Variants in FANK1 observed in about 807,000 individuals in gnomAD.
FANK1 encodes fibronectin type 3 and ankyrin repeat domains protein 1.
In FANK1, 44 loss-of-function variants were observed where a neutral mutation model predicts 45.3. That is an observed-to-expected ratio of 0.97 (90% confidence interval 0.76 to 1.25). The LOEUF is 1.25. Among genes scored for constraint, FANK1 ranks in the 50% most tolerant of loss-of-function variants. FANK1 has a pLI of 0.00. For synonymous variants in FANK1, 149 were observed against 152.5 expected, an observed-to-expected ratio of 0.98 and a Z score of 0.17; for missense variants, 391 against 424.4, an observed-to-expected ratio of 0.92 and a Z score of 0.69.
intron 7 of FANK1, among the ~76,000 whole-genome samples, chr10:126,007,493 A>C (rs1237734168): frequency 2.0e-5 from 3 of 152,214 alleles, no homozygotes; most frequent in African/African-American, 7.2e-5. Flanking sequence ...AATCCAAATC[A>C]TGTTACAGTG....
chr10:126,008,929 C>T (rs1412947605), intron 8 of FANK1, 125 bp from the exon 9 acceptor site: 2 of 842,772 alleles, frequency 2.4e-6, no homozygotes, highest in Non-Finnish European at 3.8e-6. Flanking sequence ...CCATGCAAAG[C>T]CACAGTGGTC....
chr10:125,990,420 T>C (rs1467438718), intron 3 of FANK1, among the ~76,000 whole-genome samples: 1 of 152,158 alleles, frequency 6.6e-6, no homozygotes. Context: ...CCTTGATGGA[T>C]GGATGGGTAA....
At chr10:125,949,913 G>T (rs1198982462) in intron 1 of FANK1, among the ~76,000 whole-genome samples, 2 of 141,904 alleles carry the variant, frequency 1.4e-5, no homozygotes, top group South Asian at 2.5e-4. Flanking sequence ...GGTACCAAAA[G>T]AGAGATATAG....
At position 125,971,796 on chromosome 10, in the gene FANK1, G is replaced by T. The variant is rs369953262; in HGVS notation, c.14-8365G>T. On this transcript the variant is annotated intron_variant, in intron 1 of 10. Coordinates refer to ENST00000368693, the MANE Select transcript of FANK1 (RefSeq NM_145235.5). ...GCTACCACGGCCGGCTAATTTTTTT[G>T]TATTTTTAGTAGAGACAGGGTTTCA... Among the ~76,000 whole-genome samples, 97 of 152,104 alleles carry T rather than the reference G, an allele frequency of 6.4e-4. No individual in the cohort carries two copies. In the South Asian group the frequency reaches 8.7e-3, roughly 14 times the overall value.
intron 7 of FANK1, among the ~76,000 whole-genome samples, chr10:126,006,774 T>G (rs1450630117): frequency 6.6e-6 from 1 of 152,152 alleles, no homozygotes; most frequent in Non-Finnish European, 1.5e-5. Context: ...GCAGGAGAAT[T>G]GCTTGAACCC....
chr10:125,907,397 A>T lies in FANK1; in HGVS notation c.13+10742A>T, dbSNP rs141665773. On this transcript the variant is annotated intron_variant, in intron 1 of 10. Coordinates refer to ENST00000368693, the MANE Select transcript of FANK1 (RefSeq NM_145235.5). The stretch of plus-strand genomic sequence containing the variant: ...TATCTGTGATAGGCAGACTTCTAAG[A>T]TGTTTCCCATGATCTCAATGTCCTG... 2.1e-3 allele frequency: 1,417 copies of T among 689,750 alleles called. 15 individuals carry two copies. In the African/African-American group the frequency reaches 0.026, roughly 12 times the overall value. 42.7% of individuals were successfully genotyped at this position (689,750 alleles called of 1,614,324 possible).
At position 125,929,956 on chromosome 10, in the gene FANK1, T is replaced by C. The variant is rs145541923; in HGVS notation, c.13+33301T>C. On this transcript the variant is annotated intron_variant, in intron 1 of 10. Transcript: ENST00000368693. Reference sequence around the variant, plus strand: ...ATAGCTGAAGTGTGAATTGGCCTGATGTTGCCTGCCTCCAGACCCTATTTT... The same window carrying C: ...ATAGCTGAAGTGTGAATTGGCCTGACGTTGCCTGCCTCCAGACCCTATTTT... 5.3e-3 allele frequency among the ~76,000 whole-genome samples: 803 copies of C among 152,330 alleles called. 4 individuals carry two copies. The highest frequency in any genetic ancestry group is 0.018 in the African/African-American group (756 of 41,570).
intron 1 of FANK1, among the ~76,000 whole-genome samples, chr10:125,931,766 G>C (rs903280738): frequency 6.6e-6 from 1 of 152,102 alleles, no homozygotes; most frequent in Non-Finnish European, 1.5e-5. Flanking sequence ...TGGGTTCTTG[G>C]TCATGAAATC....
intron 1 of FANK1, among the ~76,000 whole-genome samples, chr10:125,917,923 AAAAAG>A (rs1329327434): frequency 1.3e-5 from 2 of 152,298 alleles, no homozygotes; most frequent in Non-Finnish European, 1.5e-5. Flanking sequence ...TCTCTACTTT[AAAAAG>A]AAAAGTCAGG....
At chr10:125,972,024 T>C (rs182216000) in intron 1 of FANK1, among the ~76,000 whole-genome samples, 7 of 152,350 alleles carry the variant, frequency 4.6e-5, no homozygotes, top group Non-Finnish European at 1.0e-4. Context: ...ATTTTAATCC[T>C]GGTTCTACCA....
chr10:125,897,494 G>T (rs1297257092), intron 1 of FANK1, among the ~76,000 whole-genome samples: 1 of 152,138 alleles, frequency 6.6e-6, no homozygotes, highest in Admixed American at 6.5e-5. Context: ...GAAGGATGCA[G>T]TTTGACTCTC....
intron 1 of FANK1, among the ~76,000 whole-genome samples, chr10:125,959,905 G>C (rs948671281): frequency 6.6e-6 from 1 of 152,124 alleles, no homozygotes; most frequent in South Asian, 2.1e-4. Flanking sequence ...GGTACATTTT[G>C]ACGTATCTGG....
chr10:125,927,343 T>C (rs1223645603), intron 1 of FANK1, among the ~76,000 whole-genome samples: 5 of 152,186 alleles, frequency 3.3e-5, no homozygotes, highest in Admixed American at 3.3e-4. Context: ...TTTCCTATTA[T>C]TCGCTTTATA....
At chr10:125,975,991 C>T (rs953498093) in intron 1 of FANK1, among the ~76,000 whole-genome samples, 2 of 151,866 alleles carry the variant, frequency 1.3e-5, no homozygotes, top group Non-Finnish European at 1.5e-5. Flanking sequence ...ATTTACTGTT[C>T]CTTCCAAGAT....
chr10:125,950,890 A>T (rs1176436218), intron 1 of FANK1, among the ~76,000 whole-genome samples: 4 of 150,552 alleles, frequency 2.7e-5, no homozygotes, highest in Non-Finnish European at 5.9e-5. Flanking sequence ...TGGCACATAT[A>T]CACCATGGAA....
At chr10:125,998,032 A>G (rs1351821342) in intron 6 of FANK1, among the ~76,000 whole-genome samples, 1 of 152,266 alleles carries the variant, frequency 6.6e-6, no homozygotes. Flanking sequence ...CATAAAGGAC[A>G]GATGAGAGTG....
chr10:125,918,585 A>AAT (rs1197525883), intron 1 of FANK1, among the ~76,000 whole-genome samples: 1,367 of 70,848 alleles, frequency 0.019, 52 homozygotes, highest in African/African-American at 0.05. Context: ...AAAAAAAAAA[A>AAT]ATATATATAT....
intron 3 of FANK1, chr10:125,989,329 T>A (rs1229977137): frequency 6.4e-7 from 1 of 1,551,016 alleles, no homozygotes; most frequent in Non-Finnish European, 8.7e-7. Context: ...TCACAAGTGT[T>A]CTCCACGGCC....
At chr10:125,994,348 A>G (rs926448198) in intron 3 of FANK1, 9 of 976,796 alleles carry the variant, frequency 9.2e-6, no homozygotes, top group Non-Finnish European at 1.1e-5. Context: ...CCTAGAGCCT[A>G]GCACAGGACT....
Sources: gnomAD v4.1 joint callset for allele counts (sites outside exome capture counted in the v4.1 genomes callset) on GRCh38, gnomAD v4.1.1 for gene constraint, MANE v1.5 for transcripts, NCBI Gene and HGNC (gene_info 2026-07-23, HGNC 2026-07-21) for gene names.